The following UGT1A10 variants were observed in gnomAD, a reference collection of about 807,000 sequenced individuals.
UGT1A10 encodes UDP glucuronosyltransferase family 1 member A10.
In UGT1A10, 49 loss-of-function variants were observed where a neutral mutation model predicts 45.8. The ratio of observed to expected loss-of-function variants is 1.07; its 90% CI spans 0.85 to 1.36. The LOEUF (loss-of-function observed/expected upper bound fraction) is 1.36. Ranked by LOEUF, UGT1A10 falls within the 40% of genes most tolerant of loss-of-function variation. The pLI, the probability that UGT1A10 is intolerant of heterozygous loss-of-function variation, is 0.00. For synonymous variants in UGT1A10, 284 were observed against 249.7 expected (o/e 1.14, Z -1.29); for missense variants, 745 against 668.6 (o/e 1.11, Z -1.26).
intron 1 of UGT1A10, among the ~76,000 whole-genome samples, chr2:233,640,744 G>GC (rs1358282427): frequency 6.6e-6 from 1 of 152,112 alleles, no homozygotes; most frequent in African/African-American, 2.4e-5. Context: ...CTCCTGATAG[G>GC]CCAACAATCT....
chr2:233,755,243 TC>T (rs1695828165), intron 1 of UGT1A10: 10 of 851,914 alleles, frequency 1.2e-5, no homozygotes. Flanking sequence ...ACCGGGGTAC[TC>T]CCAGCACCTC....
chr2:233,737,713 A>C (rs1453713127), intron 1 of UGT1A10, among the ~76,000 whole-genome samples: 1 of 151,992 alleles, frequency 6.6e-6, no homozygotes, highest in Non-Finnish European at 1.5e-5. Flanking sequence ...TCTCCTCTCC[A>C]ACACCTCCTT....
chr2:233,769,313 C>G lies in UGT1A10; in HGVS notation c.1295+874C>G, dbSNP rs1699834198. 6.6e-6 allele frequency among the ~76,000 whole-genome samples: 1 copy of G among 152,226 alleles called. No homozygotes were observed. Among genetic ancestry groups the G allele is most frequent in the Admixed American group, 6.5e-5 (1 of 15,282 alleles). ...TTAAAGTTAGTATATTACTGTCAAG[C>G]TCACTGGTAATAGGCTTATTAGAAC... is the stretch of plus-strand genomic sequence containing the variant. On this transcript the variant is annotated intron_variant, in intron 4 of 4. Coordinates refer to ENST00000344644, the MANE Select transcript of UGT1A10 (RefSeq NM_019075.4). This position sits in a 1 kb window ranked among gnomAD's most constrained non-coding sequence, Gnocchi z 4.4.
chr2:233,712,394 A>G (rs2013030), intron 1 of UGT1A10, among the ~76,000 whole-genome samples: 13,551 of 152,236 alleles, frequency 0.089, 758 homozygotes, highest in East Asian at 0.2. Flanking sequence ...GCCACTTCAG[A>G]GAGAGTCCTC....
At chr2:233,693,942 C>G in intron 1 of UGT1A10, 1 of 1,601,216 alleles carries the variant, frequency 6.2e-7, no homozygotes, top group Non-Finnish European at 8.5e-7. Flanking sequence ...GCTCCTTGAG[C>G]CGACTGTCCC....
At chr2:233,638,782 G>A (rs909303532) in intron 1 of UGT1A10, among the ~76,000 whole-genome samples, 4 of 151,848 alleles carry the variant, frequency 2.6e-5, no homozygotes, top group South Asian at 4.2e-4. Context: ...AAGAGTGACC[G>A]TTCAGCCATC....
At chr2:233,674,680 T>C (rs974563790) in intron 1 of UGT1A10, among the ~76,000 whole-genome samples, 2 of 152,220 alleles carry the variant, frequency 1.3e-5, no homozygotes, top group Admixed American at 1.3e-4. Context: ...TGTGTTTATG[T>C]GTCTATTAAA....
At chr2:233,666,956 A>G (rs1160555698) in intron 1 of UGT1A10, among the ~76,000 whole-genome samples, 3 of 152,152 alleles carry the variant, frequency 2.0e-5, no homozygotes, top group Non-Finnish European at 4.4e-5. Context: ...AGCTTCATCA[A>G]TGTCCCTACA....
At chr2:233,705,423 T>C (rs935031731) in intron 1 of UGT1A10, among the ~76,000 whole-genome samples, 2 of 152,256 alleles carry the variant, frequency 1.3e-5, no homozygotes, top group Non-Finnish European at 2.9e-5. Context: ...CAGAGGTGGC[T>C]CATAACTTAT....
chr2:233,687,064 A>G (rs571316372), intron 1 of UGT1A10, among the ~76,000 whole-genome samples: 13 of 152,344 alleles, frequency 8.5e-5, no homozygotes, highest in African/African-American at 2.9e-4. Context: ...GAGTCCTCCA[A>G]GCCTGATTTC....
At chr2:233,719,608 T>C in intron 1 of UGT1A10, 1 of 1,614,074 alleles carries the variant, frequency 6.2e-7, no homozygotes, top group Non-Finnish European at 8.5e-7. Context: ...GACTTTGTGA[T>C]GGACTACCCC....
chr2:233,769,716 A>G lies in UGT1A10; in HGVS notation c.1295+1277A>G, dbSNP rs1255233011. 6.7e-7 allele frequency: 1 copy of G among 1,492,612 alleles called. No individual in the cohort carries two copies. Among genetic ancestry groups the G allele is most frequent in the East Asian group, 2.5e-5 (1 of 40,446 alleles). The allele number at this position is 1,492,612 out of a possible 1,614,324, so 92.5% of individuals were successfully genotyped here. A position where few individuals can be genotyped will look rare whatever the true frequency, so the allele number is the denominator to read the frequency against. Reference sequence around the variant, plus strand: ...GATAAAAGATCAATGTTGGCTAGGCACCATGGCACACGCCTGTAGTCCCAG... The same window carrying G: ...GATAAAAGATCAATGTTGGCTAGGCGCCATGGCACACGCCTGTAGTCCCAG... On this transcript the variant is annotated intron_variant, in intron 4 of 4. Coordinates refer to ENST00000344644, the MANE Select transcript of UGT1A10 (RefSeq NM_019075.4). The surrounding 1 kb of genome is among the most constrained non-coding windows in gnomAD (Gnocchi z 4.4).
intron 1 of UGT1A10, chr2:233,648,356 A>T: frequency 2.4e-6 from 1 of 416,360 alleles, no homozygotes; most frequent in Admixed American, 2.7e-5. Context: ...ATACTTTGAC[A>T]TTACCTTGAA....
intron 1 of UGT1A10, among the ~76,000 whole-genome samples, chr2:233,735,070 G>A (rs572214554): frequency 1.3e-5 from 2 of 152,256 alleles, no homozygotes; most frequent in East Asian, 1.9e-4. Context: ...GGATATCCTT[G>A]TTAACCTTTG....
intron 1 of UGT1A10, among the ~76,000 whole-genome samples, chr2:233,724,799 C>G (rs559235136): frequency 7.2e-6 from 1 of 139,172 alleles, no homozygotes; most frequent in Non-Finnish European, 1.5e-5. Flanking sequence ...GACGGGGTGG[C>G]GGCCGGGCAG....
chr2:233,712,379 T>C (rs1343800513), intron 1 of UGT1A10, among the ~76,000 whole-genome samples: 12 of 152,190 alleles, frequency 7.9e-5, no homozygotes, highest in African/African-American at 2.9e-4. Flanking sequence ...TTTTTTATAT[T>C]GACAGCCACT....
intron 1 of UGT1A10, among the ~76,000 whole-genome samples, chr2:233,653,092 A>G (rs1213304563): frequency 1.3e-5 from 2 of 152,238 alleles, no homozygotes; most frequent in Admixed American, 6.5e-5. Flanking sequence ...CTGGGAGGCA[A>G]CCACAGTCCC....
At chr2:233,744,795 G>A (rs1194652207) in intron 1 of UGT1A10, among the ~76,000 whole-genome samples, 2 of 151,864 alleles carry the variant, frequency 1.3e-5, no homozygotes, top group Non-Finnish European at 2.9e-5. Context: ...AATTCTTGGG[G>A]ATCCCTAGGA....
chr2:233,690,068 C>T (rs2074973510), intron 1 of UGT1A10, among the ~76,000 whole-genome samples: 1 of 152,216 alleles, frequency 6.6e-6, no homozygotes, highest in South Asian at 2.1e-4. Flanking sequence ...CCCCACCTCA[C>T]AGCCTATCAA....
Sources: allele counts gnomAD v4.1 joint callset (sites outside exome capture counted in the v4.1 genomes callset), GRCh38; gene constraint gnomAD v4.1.1; non-coding constraint Gnocchi (gnomAD v3.1); transcripts MANE v1.5; gene names NCBI Gene and HGNC (gene_info 2026-07-23, HGNC 2026-07-21).